The following YIPF1 variants were observed in gnomAD, a reference collection of about 807,000 sequenced individuals.
The protein encoded by YIPF1 is protein YIPF1.
Under a neutral mutation model 37.0 loss-of-function variants are expected in YIPF1, and 22 were observed. The observed-to-expected ratio is 0.59, with a 90% CI of 0.42 to 0.85. The LOEUF (loss-of-function observed/expected upper bound fraction) is 0.85. Among genes scored for constraint, YIPF1 ranks in the 40% least tolerant of loss-of-function variants. The pLI, the probability that YIPF1 is intolerant of heterozygous loss-of-function variation, is 0.00. For missense variants in YIPF1, 355 were observed against 373.1 expected (o/e 0.95, Z 0.40); for synonymous variants, 128 against 131.9 (o/e 0.97, Z 0.21).
At chr1:53,889,130 C>T in intron 2 of YIPF1, 114 bp downstream of exon 2, 1 of 473,602 alleles carries the variant, frequency 2.1e-6, no homozygotes, top group Non-Finnish European at 3.8e-6. Context: ...AACCACTAAG[C>T]ATCAGGTATT....
chr1:53,859,166 T>C (rs769268926), intron 10 of YIPF1, among the ~76,000 whole-genome samples: 6 of 152,182 alleles, frequency 3.9e-5, no homozygotes, highest in Admixed American at 2.0e-4. Flanking sequence ...AATGAAGATA[T>C]AGAGTAACAC....
chr1:53,871,012 CAAAAAA>C (rs57949076), intron 7 of YIPF1, among the ~76,000 whole-genome samples: 3 of 65,268 alleles, frequency 4.6e-5, no homozygotes, highest in Admixed American at 1.9e-4. Flanking sequence ...GTCACTGTCT[CAAAAAA>C]AAAAAAAAAA....
At chr1:53,882,171 G>A (rs1650518685) in intron 4 of YIPF1, among the ~76,000 whole-genome samples, 1 of 152,062 alleles carries the variant, frequency 6.6e-6, no homozygotes, top group African/African-American at 2.4e-5. Flanking sequence ...GAGAACACAT[G>A]GACACATGGG....
intron 3 of YIPF1, among the ~76,000 whole-genome samples, chr1:53,887,417 G>C (rs1168297469): frequency 6.6e-6 from 1 of 151,868 alleles, no homozygotes; most frequent in East Asian, 1.9e-4. Context: ...CTACTGGAAG[G>C]TTCTGAAAGA....
intron 4 of YIPF1, among the ~76,000 whole-genome samples, chr1:53,881,134 G>A (rs565571803): frequency 6.6e-5 from 10 of 151,128 alleles, no homozygotes; most frequent in African/African-American, 9.7e-5. Flanking sequence ...ATGGTGGCAC[G>A]TGCCTGTAGT....
At chr1:53,872,965 A>G (rs575234663) in intron 6 of YIPF1, among the ~76,000 whole-genome samples, 1 of 152,206 alleles carries the variant, frequency 6.6e-6, no homozygotes, top group Non-Finnish European at 1.5e-5. Context: ...AAGCCCCTAT[A>G]GCCAAAAAGC....
intron 9 of YIPF1, among the ~76,000 whole-genome samples, chr1:53,864,173 C>G (rs1451414689): frequency 6.6e-6 from 1 of 152,174 alleles, no homozygotes; most frequent in Non-Finnish European, 1.5e-5. Context: ...AACTTCTCAG[C>G]CAGGCACGTG....
intron 10 of YIPF1, among the ~76,000 whole-genome samples, chr1:53,857,656 G>T (rs1412285656): frequency 2.0e-5 from 3 of 152,136 alleles, no homozygotes; most frequent in Non-Finnish European, 4.4e-5. Context: ...AAGAGGGCCA[G>T]TAAGAGTGGC....
chr1:53,861,404 T>A (rs889635716), intron 9 of YIPF1, among the ~76,000 whole-genome samples: 15 of 152,234 alleles, frequency 9.9e-5, no homozygotes, highest in African/African-American at 3.6e-4. Flanking sequence ...AGGGTGCCCT[T>A]GTAAGACAGA....
At chr1:53,868,069 C>G (rs1272984784) in intron 7 of YIPF1, among the ~76,000 whole-genome samples, 4 of 152,320 alleles carry the variant, frequency 2.6e-5, no homozygotes, top group Admixed American at 2.0e-4. Flanking sequence ...CAATTATAGT[C>G]AGACTCTGGT....
chr1:53,880,982 C>T (rs1288373445), intron 4 of YIPF1, among the ~76,000 whole-genome samples: 1 of 151,936 alleles, frequency 6.6e-6, no homozygotes, highest in Non-Finnish European at 1.5e-5. Context: ...TAGGGAATAC[C>T]AGCTGGGCGC....
At chr1:53,857,708 G>A (rs984475729) in intron 10 of YIPF1, among the ~76,000 whole-genome samples, 6 of 152,148 alleles carry the variant, frequency 3.9e-5, no homozygotes, top group Admixed American at 2.0e-4. Flanking sequence ...CAGGCCGGGC[G>A]CGATGGCTCA....
At chr1:53,859,402 G>T (rs748520769) in intron 10 of YIPF1, among the ~76,000 whole-genome samples, 3 of 152,140 alleles carry the variant, frequency 2.0e-5, no homozygotes, top group Non-Finnish European at 4.4e-5. Context: ...GGTGGCTCAC[G>T]CCTGTAATCC....
Position 53,871,406 on chromosome 1 carries a change from C to T in YIPF1, c.447G>A (p.Glu149=). The change falls in exon 7 of 11, where the codon GAG becomes GAA. Residue 149 remains glutamate, a synonymous_variant. Coordinates refer to ENST00000072644, the MANE Select transcript of YIPF1 (RefSeq NM_018982.5). ...ATTCGGGCACATAATGGTACGTCTT[C>T]TCTCCCAGATGGATCAAGAAGTTGG... ...NLSNFLIHLG[E]KTYHYVPEFR... is the part of the protein sequence containing the mutation. The T allele has an allele frequency of 6.2e-7, 1 of 1,613,918 alleles. No homozygotes were observed. The highest frequency in any genetic ancestry group is 1.1e-5 in the South Asian group (1 of 91,064).
intron 7 of YIPF1, among the ~76,000 whole-genome samples, chr1:53,867,921 C>G (rs3766468): frequency 6.6e-6 from 1 of 152,018 alleles, no homozygotes; most frequent in African/African-American, 2.4e-5. Context: ...AGTAGCAGCA[C>G]GCCCTGGAGG....
At chr1:53,869,330 T>G (rs1033040678) in intron 7 of YIPF1, among the ~76,000 whole-genome samples, 46 of 151,434 alleles carry the variant, frequency 3.0e-4, no homozygotes, top group African/African-American at 9.7e-4. Context: ...GCACATATTT[T>G]TGTGTGTGTG....
chr1:53,881,930 T>A (rs1276328798), intron 4 of YIPF1, among the ~76,000 whole-genome samples: 1 of 152,122 alleles, frequency 6.6e-6, no homozygotes, highest in East Asian at 1.9e-4. Context: ...TGCAGCACTA[T>A]TCACAATAGC....
At chr1:53,854,353 AAAGT>A (rs2100715426) in intron 10 of YIPF1, among the ~76,000 whole-genome samples, 1 of 152,348 alleles carries the variant, frequency 6.6e-6, no homozygotes, top group South Asian at 2.1e-4. Context: ...CAGAGGGAGA[AAAGT>A]AAGATGCTGT....
At chr1:53,871,566 C>G in intron 6 of YIPF1, 78 bp from the exon 7 acceptor site, 1 of 1,160,514 alleles carries the variant, frequency 8.6e-7, no homozygotes, top group South Asian at 1.3e-5. Flanking sequence ...TTCTTATCTT[C>G]CTCTTGTATT....
Sources: gnomAD v4.1 joint callset for allele counts (sites outside exome capture counted in the v4.1 genomes callset) on GRCh38, gnomAD v4.1.1 for gene constraint, MANE v1.5 for transcripts, NCBI Gene and HGNC (gene_info 2026-07-23, HGNC 2026-07-21) for gene names.